Variants in KREMEN1 observed in about 807,000 individuals in gnomAD.
KREMEN1 encodes the protein kringle containing transmembrane protein 1.
In KREMEN1, 30 loss-of-function variants were observed where a neutral mutation model predicts 46.5. The ratio of observed to expected loss-of-function variants is 0.65; its 90% CI spans 0.48 to 0.88. The LOEUF is 0.88. Among genes scored for constraint, KREMEN1 ranks in the 40% least tolerant of loss-of-function variants. The pLI, the probability that KREMEN1 is intolerant of heterozygous loss-of-function variation, is 0.00. For synonymous variants in KREMEN1, 214 were observed against 230.6 expected, an observed-to-expected ratio of 0.93 and a Z score of 0.65; for missense variants, 533 against 596.9, an observed-to-expected ratio of 0.89 and a Z score of 1.11.
rs2037519215 is a variant in KREMEN1 at position 29,073,855 on chromosome 22, C to T, written c.97+628C>T. ...TCCCCAGTACCTCCTGGGATCCCGC[C>T]CCAAGTCCTTCATCGACGCACCTTG... On this transcript the variant is annotated intron_variant, in intron 1 of 8. Coordinates refer to ENST00000400335, the MANE Select transcript of KREMEN1 (RefSeq NM_001039570.3). The surrounding 1 kb of genome is among the most constrained non-coding windows in gnomAD (Gnocchi z 4.4). 6.6e-6 allele frequency among the ~76,000 whole-genome samples: 1 copy of T among 152,208 alleles called. No homozygotes were observed. Among genetic ancestry groups the T allele is most frequent in the South Asian group, 2.1e-4 (1 of 4,836 alleles).
rs1374143255 is a variant in KREMEN1 at position 29,138,740 on chromosome 22, G to C, written c.1081G>C (p.Val361Leu). ...SAARSSKVLY[V>L]ITTSPSHPPQ... ...TGCCCGGTCCTCCAAAGTCCTCTAT[G>C]TCATCACCACCAGCCCCAGCCACCC... The change falls in exon 7 of 9, where the codon GTC becomes CTC. Residue 361 changes from valine (V) to leucine (L), a missense_variant. Transcript: ENST00000400335. The C allele has an allele frequency of 8.1e-6, 13 of 1,614,210 alleles. No homozygotes were observed. Among genetic ancestry groups the C allele is most frequent in the Non-Finnish European group, 1.0e-5 (12 of 1,180,038 alleles).
Position 29,073,173 on chromosome 22 carries a change from G to T in KREMEN1, c.43G>T (p.Ala15Ser). The T allele has an allele frequency of 8.5e-7, 1 of 1,172,762 alleles. No individual in the cohort carries two copies. 72.6% of individuals were successfully genotyped at this position (1,172,762 alleles called of 1,614,324 possible). ...CCGCCTCGCCCTGCTCTCCGCCGCG[G>T]CGCTCACGCTGGCGGCCCGGCCCGC... ...AARLALLSAA[A>S]LTLAARPAPS... Residue 15 changes from alanine to serine, a missense_variant, in exon 1 of 9, where the codon GCG (alanine) becomes TCG (serine). By Grantham distance (99) the Ala-to-Ser change is moderately conservative. Coordinates refer to ENST00000400335, the MANE Select transcript of KREMEN1 (RefSeq NM_001039570.3). This position sits in a 1 kb window ranked among gnomAD's most constrained non-coding sequence, Gnocchi z 4.4.
At chr22:29,160,740 G>A (rs1312310210) in intron 9 of KREMEN1, among the ~76,000 whole-genome samples, 1 of 152,142 alleles carries the variant, frequency 6.6e-6, no homozygotes, top group Non-Finnish European at 1.5e-5. Flanking sequence ...AGTGTTAAGA[G>A]GAAAGCTGAT....
intron 9 of KREMEN1, among the ~76,000 whole-genome samples, chr22:29,163,359 C>T (rs996348776): frequency 6.6e-6 from 1 of 152,010 alleles, no homozygotes; most frequent in African/African-American, 2.4e-5. Flanking sequence ...TATAAATTAC[C>T]CAGTTTCAGG....
rs79485560 is a variant in KREMEN1, at chr22:29,106,874, C to T, written c.352+7921C>T. Among the ~76,000 whole-genome samples the T allele has an allele frequency of 8.2e-3, 1,249 of 152,312 alleles. 17 individuals are homozygous for T. The highest frequency in any genetic ancestry group is 0.028 in the African/African-American group (1,168 of 41,560). On this transcript the variant is annotated intron_variant, in intron 3 of 8. Transcript: ENST00000400335. ...GGAAACCAAAGGGTTAACTCAGTGG[C>T]GACAGAGGGTCTGCAGTTCATGCTG...
chr22:29,094,742 G>C (rs2037858221), intron 2 of KREMEN1, among the ~76,000 whole-genome samples: 1 of 151,292 alleles, frequency 6.6e-6, no homozygotes, highest in Non-Finnish European at 1.5e-5. Context: ...TCCTGCCTCA[G>C]CCTCCCGAGT....
chr22:29,094,393 G>T lies in KREMEN1; in HGVS notation c.233G>T (p.Gly78Val). ...ACTCTGAAATACCCCAACGGGGAGGGGGGCCTGGGTGAGCACAACTATTGC... is the reference window on the plus strand; with the variant it reads ...ACTCTGAAATACCCCAACGGGGAGGTGGGCCTGGGTGAGCACAACTATTGC... ...YNTLKYPNGE[G>V]GLGEHNYCRN... Residue 78 changes from glycine to valine, a missense_variant, in exon 2 of 9, where the codon GGG (glycine) becomes GTG (valine). Coordinates refer to ENST00000400335, the MANE Select transcript of KREMEN1 (RefSeq NM_001039570.3). 6.2e-7 allele frequency: 1 copy of T among 1,613,700 alleles called. No individual in the cohort carries two copies. The highest frequency in any genetic ancestry group is 8.5e-7 in the Non-Finnish European group (1 of 1,179,888).
chr22:29,103,493 C>T (rs976336966), intron 3 of KREMEN1, among the ~76,000 whole-genome samples: 7 of 152,176 alleles, frequency 4.6e-5, no homozygotes, highest in Admixed American at 1.3e-4. Flanking sequence ...AAGAACAACT[C>T]GGAGGTAATT....
intron 8 of KREMEN1, among the ~76,000 whole-genome samples, chr22:29,141,692 T>G (rs1203609892): frequency 6.6e-6 from 1 of 152,224 alleles, no homozygotes; most frequent in Non-Finnish European, 1.5e-5. Context: ...TTTTCCAGAT[T>G]TGAAGAATTC....
chr22:29,089,317 CA>C (rs134648), intron 1 of KREMEN1, among the ~76,000 whole-genome samples: 74,604 of 151,924 alleles, frequency 0.49, 19,059 homozygotes, highest in Middle Eastern at 0.61. Context: ...TATCACTACT[CA>C]GCTGGTTGCT....
intron 3 of KREMEN1, among the ~76,000 whole-genome samples, chr22:29,120,524 A>C (rs1422211108): frequency 1.3e-4 from 16 of 123,928 alleles, no homozygotes; most frequent in East Asian, 2.7e-4. Context: ...GGGAGAGGTG[A>C]TGATGGAAAC....
chr22:29,163,531 C>T (rs1461925633), intron 9 of KREMEN1, among the ~76,000 whole-genome samples: 1 of 152,138 alleles, frequency 6.6e-6, no homozygotes, highest in African/African-American at 2.4e-5. Flanking sequence ...GGGCCACCAC[C>T]ACGCCCAGCT....
chr22:29,135,194 A>G (rs1180212761), intron 5 of KREMEN1, among the ~76,000 whole-genome samples: 2 of 152,180 alleles, frequency 1.3e-5, no homozygotes, highest in African/African-American at 4.8e-5. Context: ...AGAGGGCTCA[A>G]GGCAATCAGG....
exon 10 of KREMEN1, chr22:29,167,438 G>A (rs999502676): frequency 4.3e-5 from 11 of 257,628 alleles, no homozygotes; most frequent in Non-Finnish European, 7.5e-5. Flanking sequence ...AGGCAGGACC[G>A]AGAGTGACAT....
chr22:29,090,211 T>C (rs986162020), intron 1 of KREMEN1, among the ~76,000 whole-genome samples: 1 of 152,232 alleles, frequency 6.6e-6, no homozygotes, highest in African/African-American at 2.4e-5. Flanking sequence ...AATACGTAAA[T>C]AAACAGTTGG....
chr22:29,166,145 AACATGCACAC>A (rs951372167), intron 9 of KREMEN1, among the ~76,000 whole-genome samples: 6 of 152,062 alleles, frequency 3.9e-5, no homozygotes, highest in African/African-American at 1.2e-4. Flanking sequence ...CGCCCACCAT[AACATGCACAC>A]ACATGCACAC....
chr22:29,082,918 T>A (rs1237463945), intron 1 of KREMEN1, among the ~76,000 whole-genome samples: 1 of 152,190 alleles, frequency 6.6e-6, no homozygotes, highest in Non-Finnish European at 1.5e-5. Context: ...CTTTAAAATA[T>A]CTCACGTTTC....
chr22:29,101,100 A>T (rs1004392638), intron 3 of KREMEN1, among the ~76,000 whole-genome samples: 4 of 152,132 alleles, frequency 2.6e-5, no homozygotes, highest in African/African-American at 9.6e-5. Context: ...AAAAATACAA[A>T]AATTAGCCAG....
At chr22:29,156,153 C>T (rs1434776593) in intron 9 of KREMEN1, among the ~76,000 whole-genome samples, 1 of 152,196 alleles carries the variant, frequency 6.6e-6, no homozygotes, top group Non-Finnish European at 1.5e-5. Flanking sequence ...CTGGACTAGA[C>T]ATCTATTCTG....
Sources: gnomAD v4.1 joint callset for allele counts (sites outside exome capture counted in the v4.1 genomes callset) on GRCh38, gnomAD v4.1.1 for gene constraint, Gnocchi (gnomAD v3.1) non-coding constraint, MANE v1.5 for transcripts, NCBI Gene and HGNC (gene_info 2026-07-23, HGNC 2026-07-21) for gene names.